The following XYLT1 variants were observed in gnomAD, a reference collection of about 807,000 sequenced individuals.
XYLT1 encodes the protein xylosyltransferase 1, also known as beta-D-xylosyltransferase 1.
A neutral mutation model predicts 91.3 loss-of-function variants in XYLT1; 36 were observed. That is an observed-to-expected ratio of 0.39 (90% CI 0.30 to 0.52). The LOEUF is 0.52. XYLT1 is among the 20% of genes least tolerant of loss of function. The probability of loss-of-function intolerance (pLI) is 0.68; values close to 1 mark genes in which losing one functional copy is unlikely to be tolerated. For synonymous variants in XYLT1, 588 were observed against 532.0 expected (o/e 1.11, Z -1.45); for missense variants, 1,242 against 1,284.5 (o/e 0.97, Z 0.51).
intron 4 of XYLT1, among the ~76,000 whole-genome samples, chr16:17,200,261 T>G (rs955329769): frequency 4.6e-5 from 7 of 151,782 alleles, no homozygotes; most frequent in Non-Finnish European, 8.8e-5. Flanking sequence ...CATTTATCAT[T>G]TATGGACAAA....
chr16:17,375,454 C>G (rs1297011345), intron 1 of XYLT1, among the ~76,000 whole-genome samples: 1 of 124,584 alleles, frequency 8.0e-6, no homozygotes, highest in African/African-American at 3.1e-5. Flanking sequence ...AAAATTTTAG[C>G]TGTTTCTTGT....
In XYLT1 at chr16:17,430,999, T is replaced by C. The variant is rs1004026380; in HGVS notation, c.363+39435A>G. Among the ~76,000 whole-genome samples, 25 of 152,126 alleles carry C rather than the reference T, an allele frequency of 1.6e-4. 2 individuals are homozygous for C. Among genetic ancestry groups the C allele is most frequent in the Admixed American group, 1.3e-3 (20 of 15,278 alleles). On this transcript the variant is annotated intron_variant, in intron 1 of 11. Coordinates refer to ENST00000261381, the MANE Select transcript of XYLT1 (RefSeq NM_022166.4). ...ATGAAAAAGCTAGTAATTTAAAATATGTATAAGTAAATAAAAATAAAACCA... is the reference window on the plus strand; with the variant it reads ...ATGAAAAAGCTAGTAATTTAAAATACGTATAAGTAAATAAAAATAAAACCA...
At position 17,470,482 on chromosome 16, in the gene XYLT1, C is replaced by A; in HGVS notation, c.315G>T (p.Pro105=). 3 of 1,232,536 alleles carry A rather than the reference C, an allele frequency of 2.4e-6. No homozygotes were observed. The highest frequency in any genetic ancestry group is 3.2e-5 in the East Asian group (1 of 31,624). The allele number at this position is 1,232,536 out of a possible 1,614,324, so 76.3% of individuals were successfully genotyped here. A position where few individuals can be genotyped will look rare whatever the true frequency, so the allele number is the denominator to read the frequency against. The change falls in exon 1 of 12, where the codon CCG becomes CCT. Residue 105 remains proline, a synonymous_variant. Transcript: ENST00000261381. ...ARARGGGPGE[P]RGQQPASRGA... Reference sequence around the variant, plus strand: ...CCCGGCTGGCCGGCTGCTGTCCCCGCGGTTCTCCGGGGCCGCCTCCCCGCG... The same window carrying A: ...CCCGGCTGGCCGGCTGCTGTCCCCGAGGTTCTCCGGGGCCGCCTCCCCGCG...
rs184718518 is a variant in XYLT1 at position 17,265,016 on chromosome 16, G to A, written c.403-5518C>T. Among the ~76,000 whole-genome samples, 201 of 152,204 alleles carry A rather than the reference G, an allele frequency of 1.3e-3. 1 individual carries two copies. Among genetic ancestry groups the A allele is most frequent in the African/African-American group, 4.6e-3 (189 of 41,526 alleles). ...ATCCTGGCTAACACTGTGAAACCCC[G>A]TCTCTACTAAAAATACAAAAAATTA... is the stretch of plus-strand genomic sequence containing the variant. On this transcript the variant is annotated intron_variant, in intron 2 of 11. Transcript: ENST00000261381.
At chr16:17,354,668 A>C (rs982315771) in intron 2 of XYLT1, 1 of 152,186 alleles carries the variant, frequency 6.6e-6, no homozygotes, top group Non-Finnish European at 1.5e-5. Context: ...GCGGGAACTG[A>C]CCCAGGGCTC....
intron 2 of XYLT1, among the ~76,000 whole-genome samples, chr16:17,315,242 T>C (rs1339320421): frequency 1.3e-5 from 2 of 152,160 alleles, no homozygotes; most frequent in African/African-American, 4.8e-5. Context: ...CAACCCAAAC[T>C]CATTTCTCTT....
chr16:17,444,234 A>G (rs1034900542), intron 1 of XYLT1, among the ~76,000 whole-genome samples: 1 of 152,236 alleles, frequency 6.6e-6, no homozygotes, highest in African/African-American at 2.4e-5. Flanking sequence ...TCTAATACAC[A>G]GTGGTTTTTA....
At chr16:17,433,542 G>GCAGC (rs547968091) in intron 1 of XYLT1, among the ~76,000 whole-genome samples, 288 of 152,336 alleles carry the variant, frequency 1.9e-3, no homozygotes, top group Non-Finnish European at 3.1e-3. Flanking sequence ...CATGATGGTA[G>GCAGC]CAGCCAGCTC....
intron 1 of XYLT1, among the ~76,000 whole-genome samples, chr16:17,420,217 G>T (rs1818534291): frequency 6.6e-6 from 1 of 152,138 alleles, no homozygotes; most frequent in Non-Finnish European, 1.5e-5. Flanking sequence ...CCTAGGTAAT[G>T]CTAGAGTTAT....
intron 5 of XYLT1, chr16:17,193,471 C>T (rs2032362343): frequency 6.6e-6 from 1 of 152,242 alleles, no homozygotes; most frequent in African/African-American, 2.4e-5. Flanking sequence ...CAGTAAACAC[C>T]AGTGCATCTT....
At chr16:17,222,789 CAA>C (rs11358476) in intron 3 of XYLT1, among the ~76,000 whole-genome samples, 119 of 71,194 alleles carry the variant, frequency 1.7e-3, no homozygotes, top group Admixed American at 3.0e-3. Flanking sequence ...AACTCTGTCT[CAA>C]AAAAAAAAAA....
At chr16:17,331,522 C>G (rs1462204470) in intron 2 of XYLT1, among the ~76,000 whole-genome samples, 1 of 152,176 alleles carries the variant, frequency 6.6e-6, no homozygotes, top group Non-Finnish European at 1.5e-5. Flanking sequence ...CCATTCAACA[C>G]TCTTTCTGAT....
At chr16:17,247,424 C>A (rs1269348450) in intron 3 of XYLT1, among the ~76,000 whole-genome samples, 2 of 152,172 alleles carry the variant, frequency 1.3e-5, no homozygotes, top group Non-Finnish European at 2.9e-5. Flanking sequence ...GTCTCCCATG[C>A]CCACCTGCAG....
chr16:17,392,636 T>C (rs2035834395), intron 1 of XYLT1, among the ~76,000 whole-genome samples: 1 of 151,820 alleles, frequency 6.6e-6, no homozygotes, highest in Non-Finnish European at 1.5e-5. Context: ...AATGGGAGAG[T>C]TATGCTTGGA....
chr16:17,210,791 T>C (rs1445372470), intron 3 of XYLT1, among the ~76,000 whole-genome samples: 1 of 152,150 alleles, frequency 6.6e-6, no homozygotes, highest in African/African-American at 2.4e-5. Flanking sequence ...CAGGGGGGAC[T>C]GTGAATCTTT....
intron 5 of XYLT1, among the ~76,000 whole-genome samples, chr16:17,175,538 A>G (rs1296252365): frequency 6.6e-6 from 1 of 152,198 alleles, no homozygotes; most frequent in African/African-American, 2.4e-5. Flanking sequence ...ATTTGACCTC[A>G]GAGTCCATAT....
chr16:17,285,334 A>C (rs1369205132), intron 2 of XYLT1, among the ~76,000 whole-genome samples: 2 of 152,186 alleles, frequency 1.3e-5, no homozygotes, highest in Non-Finnish European at 2.9e-5. Context: ...ACCAGGATAA[A>C]GTGTGTAATT....
chr16:17,104,670 C>T lies in XYLT1; in HGVS notation c.*4025G>A, dbSNP rs1966750846. On this transcript the variant is annotated 3_prime_UTR_variant, in exon 12 of 12. Coordinates refer to ENST00000261381, the MANE Select transcript of XYLT1 (RefSeq NM_022166.4). ...AAAACAAAAACAAACAAACAAACAA[C>T]CCGACGTTGAAAAATCAGATTTTTT... 6.6e-6 allele frequency: 1 copy of T among 151,908 alleles called. No homozygotes were observed. The highest frequency in any genetic ancestry group is 1.5e-5 in the Non-Finnish European group (1 of 68,030). The allele number at this position is 151,908 out of a possible 1,614,324, so 9.4% of individuals were successfully genotyped here.
At chr16:17,281,246 G>C (rs1243210212) in intron 2 of XYLT1, among the ~76,000 whole-genome samples, 1 of 152,034 alleles carries the variant, frequency 6.6e-6, no homozygotes, top group East Asian at 1.9e-4. Context: ...TCACGCCCGG[G>C]GTTGTGACTC....
Sources: allele counts gnomAD v4.1 joint callset (sites outside exome capture counted in the v4.1 genomes callset), GRCh38; gene constraint gnomAD v4.1.1; transcripts MANE v1.5; gene names NCBI Gene and HGNC (gene_info 2026-07-23, HGNC 2026-07-21).